The following GOLGA5 variants were observed in gnomAD, a reference collection of about 807,000 sequenced individuals.
GOLGA5 encodes the protein golgin A5.
Under a neutral mutation model 93.5 loss-of-function variants are expected in GOLGA5, and 50 were observed. The observed-to-expected ratio is 0.53, with a 90% CI of 0.43 to 0.68. The LOEUF is 0.68. GOLGA5 is among the 30% of genes least tolerant of loss of function. GOLGA5 has a pLI of 0.00. For missense variants in GOLGA5, 760 were observed against 856.4 expected (o/e 0.89, Z 1.40); for synonymous variants, 312 against 304.5 (o/e 1.02, Z -0.26).
intron 7 of GOLGA5, among the ~76,000 whole-genome samples, chr14:92,819,119 AT>A (rs201426176): frequency 3.2e-3 from 484 of 152,022 alleles, no homozygotes; most frequent in Middle Eastern, 0.014. Flanking sequence ...TATGTTTCTG[AT>A]TTTTTTTGAA....
At chr14:92,838,764 C>T (rs1885699393) in intron 12 of GOLGA5, among the ~76,000 whole-genome samples, 1 of 152,052 alleles carries the variant, frequency 6.6e-6, no homozygotes. Flanking sequence ...GTTGATTTCC[C>T]AGGTGTTAGT....
At chr14:92,804,655 C>CTTTTTTTTTTTT (rs765326844) in intron 2 of GOLGA5, among the ~76,000 whole-genome samples, 1 of 114,320 alleles carries the variant, frequency 8.7e-6, no homozygotes, top group Non-Finnish European at 1.9e-5. Flanking sequence ...TAATTTCTTT[C>CTTTTTTTTTTTT]TTTTTTTTTT....
chr14:92,831,677 G>C (rs559797515), intron 9 of GOLGA5, among the ~76,000 whole-genome samples: 1 of 152,086 alleles, frequency 6.6e-6, no homozygotes, highest in East Asian at 1.9e-4. Flanking sequence ...TGTTGATTAG[G>C]GGATCATAGT....
intron 8 of GOLGA5, among the ~76,000 whole-genome samples, chr14:92,823,820 G>A (rs1885363259): frequency 6.6e-6 from 1 of 151,772 alleles, no homozygotes. Context: ...TCAGACTTAT[G>A]AATTAATTAG....
intron 6 of GOLGA5, 136 bp from the exon 7 acceptor site, chr14:92,816,115 T>C: frequency 1.6e-6 from 1 of 621,454 alleles, no homozygotes; most frequent in Non-Finnish European, 2.8e-6. Context: ...TCCTTAGGGA[T>C]TTAAGAAAAT....
chr14:92,820,509 C>T (rs941804700), intron 8 of GOLGA5, among the ~76,000 whole-genome samples: 21 of 152,172 alleles, frequency 1.4e-4, no homozygotes, highest in African/African-American at 4.8e-4. Context: ...CCTCTTATCT[C>T]AACTGCAAGA....
rs534764313 is a variant in GOLGA5 at position 92,808,244 on chromosome 14, T to TCAA, written c.773-1034_773-1032dup. Among the ~76,000 whole-genome samples the TCAA allele has an allele frequency of 6.4e-3, 972 of 151,590 alleles. 9 individuals are homozygous for TCAA. The highest frequency in any genetic ancestry group is 0.011 in the African/African-American group (464 of 41,332). Reference sequence around the variant, plus strand: ...CCTGAGCTACAGAGCGAGACTCGTCTCAACAACAACAACAACAACAACAAA... The same window carrying TCAA: ...CCTGAGCTACAGAGCGAGACTCGTCTCAACAACAACAACAACAACAACAACAAA... On this transcript the variant is annotated intron_variant, in intron 3 of 12. Transcript: ENST00000163416.
At chr14:92,801,787 A>G (rs1884878776) in intron 2 of GOLGA5, among the ~76,000 whole-genome samples, 1 of 148,894 alleles carries the variant, frequency 6.7e-6, no homozygotes, top group Admixed American at 6.7e-5. Flanking sequence ...TCATTTATTG[A>G]ACAGAGTCTC....
At chr14:92,827,768 T>C (rs1251822218) in intron 9 of GOLGA5, among the ~76,000 whole-genome samples, 3 of 152,230 alleles carry the variant, frequency 2.0e-5, no homozygotes, top group Non-Finnish European at 4.4e-5. Flanking sequence ...TTAAAAGTGC[T>C]ACTCTAGTGA....
At chr14:92,837,470 A>G (rs777685539) in intron 12 of GOLGA5, 21 bp downstream of exon 12, 1 of 1,018,536 alleles carries the variant, frequency 9.8e-7, no homozygotes, top group South Asian at 1.3e-5. Flanking sequence ...TTATTTGAAA[A>G]AACAATGATG....
Position 92,839,650 on chromosome 14 carries a change from T to G in GOLGA5, c.*204T>G. 1.7e-6 allele frequency: 1 copy of G among 589,246 alleles called. No homozygotes were observed. The highest frequency in any genetic ancestry group is 3.0e-6 in the Non-Finnish European group (1 of 332,242). The allele number at this position is 589,246 out of a possible 1,614,324, so 36.5% of individuals were successfully genotyped here. On this transcript the variant is annotated 3_prime_UTR_variant, in exon 13 of 13. Coordinates refer to ENST00000163416, the MANE Select transcript of GOLGA5 (RefSeq NM_005113.4). The stretch of plus-strand genomic sequence containing the variant: ...TAAGAGTTTCTAAAACAGACAATAA[T>G]TTAACAAGCTCAGCTCTGCTTTATC...
chr14:92,806,610 G>A (rs1395979862), intron 2 of GOLGA5, 126 bp from the exon 3 acceptor site: 1 of 671,384 alleles, frequency 1.5e-6, no homozygotes, highest in African/African-American at 1.8e-5. Flanking sequence ...ACCGCGCCTA[G>A]CTGAGAATTT....
In GOLGA5 at chr14:92,797,811, A is replaced by C; in HGVS notation, c.374A>C (p.Asp125Ala). 2 of 1,613,926 alleles carry C rather than the reference A, an allele frequency of 1.2e-6. No individual in the cohort carries two copies. The highest frequency in any genetic ancestry group is 1.7e-6 in the Non-Finnish European group (2 of 1,179,952). The stretch of plus-strand genomic sequence containing the variant: ...GAACCTGATGATGAGCTGCTGTTTG[A>C]TTTTCTTAATAGTTCACAGAAGGAG... ...KSEPDDELLF[D>A]FLNSSQKEPT... is the part of the protein sequence containing the mutation. The change falls in exon 2 of 13, where the codon GAT becomes GCT. Residue 125 changes from aspartate (D) to alanine (A), a missense_variant. Asp to Ala is a moderately radical substitution (Grantham distance 126). Coordinates refer to ENST00000163416, the MANE Select transcript of GOLGA5 (RefSeq NM_005113.4).
intron 9 of GOLGA5, among the ~76,000 whole-genome samples, chr14:92,831,385 A>T (rs1893283206): frequency 6.6e-6 from 1 of 152,224 alleles, no homozygotes; most frequent in South Asian, 2.1e-4. Context: ...AACAAATTGC[A>T]AACCATTCGT....
At chr14:92,813,033 C>T (rs1382267528) in intron 6 of GOLGA5, among the ~76,000 whole-genome samples, 1 of 152,180 alleles carries the variant, frequency 6.6e-6, no homozygotes, top group Non-Finnish European at 1.5e-5. Flanking sequence ...TTCTGGTCAA[C>T]GTTACTGCCA....
intron 7 of GOLGA5, among the ~76,000 whole-genome samples, chr14:92,819,395 G>A (rs1278775940): frequency 6.6e-6 from 1 of 151,838 alleles, no homozygotes; most frequent in African/African-American, 2.4e-5. Context: ...TAATCCCAGT[G>A]CTGTGGGAGG....
At position 92,797,838 on chromosome 14, in the gene GOLGA5, C is replaced by G. The variant is rs149196374; in HGVS notation, c.401C>G (p.Pro134Arg). The G allele has an allele frequency of 3.9e-4, 626 of 1,614,032 alleles. 7 individuals carry two copies. In the East Asian group the frequency reaches 0.013, roughly 34 times the overall value. The change falls in exon 2 of 13, where the codon CCT becomes CGT. Residue 134 changes from proline to arginine, a missense_variant. Coordinates refer to ENST00000163416, the MANE Select transcript of GOLGA5 (RefSeq NM_005113.4). ...FDFLNSSQKE[P>R]TGRVEIRKEK... Reference sequence around the variant, plus strand: ...TTTCTTAATAGTTCACAGAAGGAGCCTACCGGGAGGGTGGAAATCAGAAAG... The same window carrying G: ...TTTCTTAATAGTTCACAGAAGGAGCGTACCGGGAGGGTGGAAATCAGAAAG...
At position 92,809,501 on chromosome 14, in the gene GOLGA5, TA is replaced by T. The variant is rs768758154; in HGVS notation, c.975del (p.Leu325PhefsTer8). On this transcript the variant is annotated frameshift_variant, in exon 4 of 13. Transcript: ENST00000163416. LOFTEE classifies it high-confidence loss of function. ...LSTRTEALEA[L>X]QSEKSRIMQD... is the part of the protein sequence containing the mutation. ...ACTCGCACAGAAGCATTAGAAGCCT[TA>T]CAGAGTGAAAAATCACGGTAGGTGA... 2 of 1,610,540 alleles carry T rather than the reference TA, an allele frequency of 1.2e-6. No individual in the cohort carries two copies. The highest frequency in any genetic ancestry group is 2.7e-5 in the African/African-American group (2 of 74,838).
In GOLGA5 at chr14:92,811,664, G is replaced by A. The variant is rs751648762; in HGVS notation, c.1230G>A (p.Leu410=). 5.0e-6 allele frequency: 8 copies of A among 1,611,904 alleles called. No homozygotes were observed. In the East Asian group the frequency reaches 1.8e-4, roughly 36 times the overall value. Residue 410 remains leucine, a synonymous_variant, in exon 6 of 13, where the codon CTG becomes CTA. Transcript: ENST00000163416. The part of the protein sequence containing the change: ...YSDEKKRVDE[L]QQQVKLYKLN... Reference sequence around the variant, plus strand: ...ATGAGAAGAAGAGGGTTGATGAACTGCAGCAGCAAGTCAAGCTGTATAAGT... The same window carrying A: ...ATGAGAAGAAGAGGGTTGATGAACTACAGCAGCAAGTCAAGCTGTATAAGT...
Sources: allele counts gnomAD v4.1 joint callset (sites outside exome capture counted in the v4.1 genomes callset), GRCh38; gene constraint gnomAD v4.1.1; transcripts MANE v1.5; gene names NCBI Gene and HGNC (gene_info 2026-07-23, HGNC 2026-07-21).